NRG3: variants seen among roughly 807,000 people sequenced by gnomAD.
NRG3 encodes pro-neuregulin-3, membrane-bound isoform.
Under a neutral mutation model 66.9 loss-of-function variants are expected in NRG3, and 31 were observed. The ratio of observed to expected loss-of-function variants is 0.46; its 90% confidence interval spans 0.35 to 0.63. NRG3 has a LOEUF of 0.63. Among genes scored for constraint, NRG3 ranks in the 20% least tolerant of loss-of-function variants. The pLI is 0.00. For missense variants in NRG3, 910 were observed against 878.9 expected, an observed-to-expected ratio of 1.04 and a Z score of -0.45; for synonymous variants, 393 against 359.4, an observed-to-expected ratio of 1.09 and a Z score of -1.06.
intron 2 of NRG3, among the ~76,000 whole-genome samples, chr10:82,400,939 A>T (rs1448817581): frequency 6.6e-6 from 1 of 152,148 alleles, no homozygotes; most frequent in Non-Finnish European, 1.5e-5. Flanking sequence ...TTGCAAGTGC[A>T]TCTTGCCACC....
intron 1 of NRG3, among the ~76,000 whole-genome samples, chr10:82,066,621 A>G (rs1589980285): frequency 6.6e-6 from 1 of 152,282 alleles, no homozygotes; most frequent in East Asian, 1.9e-4. Flanking sequence ...CAATATTTAA[A>G]ATTCTATAAG....
intron 1 of NRG3, among the ~76,000 whole-genome samples, chr10:82,060,058 G>T (rs1017696938): frequency 6.6e-6 from 1 of 152,094 alleles, no homozygotes; most frequent in African/African-American, 2.4e-5. Context: ...CTTGTTTGTT[G>T]TGAAGGATAC....
intron 2 of NRG3, among the ~76,000 whole-genome samples, chr10:82,517,488 G>A (rs73309839): frequency 0.013 from 2,035 of 152,224 alleles, 45 homozygotes; most frequent in African/African-American, 0.047. Context: ...AATTGCGGCT[G>A]TAGTCACTGA....
chr10:82,419,459 G>A (rs2088895004), intron 2 of NRG3, among the ~76,000 whole-genome samples: 1 of 152,124 alleles, frequency 6.6e-6, no homozygotes, highest in South Asian at 2.1e-4. Flanking sequence ...GGTTGTCTCT[G>A]ATACTTAGAA....
chr10:82,316,218 A>G (rs1002692360), intron 1 of NRG3, among the ~76,000 whole-genome samples: 1 of 152,204 alleles, frequency 6.6e-6, no homozygotes, highest in Non-Finnish European at 1.5e-5. Flanking sequence ...CAACATTATT[A>G]TTAAGAACTT....
chr10:82,317,986 A>G (rs1431575351), intron 1 of NRG3, among the ~76,000 whole-genome samples: 1 of 152,128 alleles, frequency 6.6e-6, no homozygotes, highest in Non-Finnish European at 1.5e-5. Flanking sequence ...GAGGCAGAGT[A>G]AAAATTCAGG....
rs2060506829 is a variant in NRG3 at position 81,986,063 on chromosome 10, G to A, written c.823+109900G>A. Among the ~76,000 whole-genome samples, 3 of 152,040 alleles carry A rather than the reference G, an allele frequency of 2.0e-5. No homozygotes were observed. The South Asian group carries it at 6.2e-4, about 32-fold the overall frequency. On this transcript the variant is annotated intron_variant, in intron 1 of 8. Transcript: ENST00000372141. ...ACTTCTTATTTGATTTTTTGGCCTG[G>A]GAGAATCACTTTGATCATCACTGTA...
chr10:82,371,036 C>A (rs2084856486), intron 2 of NRG3, among the ~76,000 whole-genome samples: 1 of 151,958 alleles, frequency 6.6e-6, no homozygotes, highest in Admixed American at 6.6e-5. Context: ...ATGCAAGACA[C>A]TGAGGTTCAG....
chr10:82,903,430 A>T (rs1033786166), intron 4 of NRG3, among the ~76,000 whole-genome samples: 1 of 152,128 alleles, frequency 6.6e-6, no homozygotes, highest in East Asian at 1.9e-4. Flanking sequence ...TGGGACCCAT[A>T]CAAAGTTCTG....
intron 4 of NRG3, among the ~76,000 whole-genome samples, chr10:82,911,992 T>C (rs1845367361): frequency 6.6e-6 from 1 of 152,148 alleles, no homozygotes; most frequent in African/African-American, 2.4e-5. Flanking sequence ...TCTCCTTTGA[T>C]TCATGTGTTT....
chr10:82,639,238 C>G (rs780355459), intron 2 of NRG3, among the ~76,000 whole-genome samples: 1 of 152,034 alleles, frequency 6.6e-6, no homozygotes, highest in Non-Finnish European at 1.5e-5. Context: ...AGTGAGATCT[C>G]TGTGCTGCAT....
At position 82,843,264 on chromosome 10, in the gene NRG3, G is replaced by T. The variant is rs1244629568; in HGVS notation, c.1028-22147G>T. On this transcript the variant is annotated intron_variant, in intron 3 of 8. Transcript: ENST00000372141. ...CATTTAAGAGGAATTATGTCATGAGGGTTACACCCACCTTATGGGTGGGAC... is the reference window on the plus strand; with the variant it reads ...CATTTAAGAGGAATTATGTCATGAGTGTTACACCCACCTTATGGGTGGGAC... The T allele has an allele frequency of 6.6e-6, 3 of 454,320 alleles. No individual in the cohort carries two copies. In the Admixed American group the frequency reaches 7.1e-5, roughly 11 times the overall value. The allele number at this position is 454,320 out of a possible 1,614,324, so 28.1% of individuals were successfully genotyped here. A position where few individuals can be genotyped will look rare whatever the true frequency, so the allele number is the denominator to read the frequency against.
chr10:82,836,407 A>G (rs2062778321), intron 3 of NRG3, among the ~76,000 whole-genome samples: 1 of 152,200 alleles, frequency 6.6e-6, no homozygotes, highest in African/African-American at 2.4e-5. Flanking sequence ...ATTATTGAGT[A>G]TAAACATACA....
At chr10:82,571,615 T>C (rs1407126508) in intron 2 of NRG3, among the ~76,000 whole-genome samples, 1 of 151,714 alleles carries the variant, frequency 6.6e-6, no homozygotes, top group African/African-American at 2.4e-5. Flanking sequence ...GTACAACCCT[T>C]TGAACTATCA....
At chr10:82,479,711 T>TAATCCC (rs972672285) in intron 2 of NRG3, among the ~76,000 whole-genome samples, 1 of 146,642 alleles carries the variant, frequency 6.8e-6, no homozygotes. Context: ...CTCATGCCTG[T>TAATCCC]AATCCCAGCA....
intron 3 of NRG3, among the ~76,000 whole-genome samples, chr10:82,821,950 C>G (rs2061970395): frequency 6.6e-6 from 1 of 152,090 alleles, no homozygotes; most frequent in Non-Finnish European, 1.5e-5. Context: ...TCCCTGCTAC[C>G]CTGCCCCCCA....
chr10:82,608,653 T>C (rs1433827428), intron 2 of NRG3, among the ~76,000 whole-genome samples: 1 of 152,152 alleles, frequency 6.6e-6, no homozygotes, highest in African/African-American at 2.4e-5. Flanking sequence ...TTCTACAATT[T>C]GTTCTCAACC....
At chr10:82,831,180 C>A (rs2135672801) in intron 3 of NRG3, among the ~76,000 whole-genome samples, 1 of 152,170 alleles carries the variant, frequency 6.6e-6, no homozygotes, top group Admixed American at 6.5e-5. Context: ...CCAGTGAGGC[C>A]ATGAAGAGAC....
intron 4 of NRG3, among the ~76,000 whole-genome samples, chr10:82,936,767 A>T (rs926199725): frequency 1.3e-5 from 2 of 152,218 alleles, no homozygotes; most frequent in African/African-American, 4.8e-5. Flanking sequence ...ATTTAAAAAA[A>T]TTAAAAAGAC....
Sources: allele counts gnomAD v4.1 joint callset (sites outside exome capture counted in the v4.1 genomes callset), GRCh38; gene constraint gnomAD v4.1.1; transcripts MANE v1.5; gene names NCBI Gene and HGNC (gene_info 2026-07-23, HGNC 2026-07-21).